Variants in SYNPR observed in about 807,000 individuals in gnomAD.
The protein encoded by SYNPR is synaptoporin.
SYNPR carries 23 observed loss-of-function variants against 32.9 expected under a neutral mutation model. The ratio of observed to expected loss-of-function variants is 0.70; its 90% confidence interval spans 0.50 to 0.99. The LOEUF (loss-of-function observed/expected upper bound fraction) is 0.99, where lower values mean the gene tolerates loss of function less well. SYNPR is among the 50% of genes least tolerant of loss of function. The pLI is 0.00. For missense variants in SYNPR, 318 were observed against 349.3 expected, an observed-to-expected ratio of 0.91 and a Z score of 0.71; for synonymous variants, 146 against 135.9, an observed-to-expected ratio of 1.07 and a Z score of -0.52.
intron 2 of SYNPR, among the ~76,000 whole-genome samples, chr3:63,385,273 G>A (rs1481392965): frequency 6.6e-6 from 1 of 152,132 alleles, no homozygotes; most frequent in Admixed American, 6.5e-5. Flanking sequence ...TTCCCGCCCT[G>A]CTTCCTTCCT....
At chr3:63,366,710 G>A (rs192701032) in intron 2 of SYNPR, among the ~76,000 whole-genome samples, 13 of 152,292 alleles carry the variant, frequency 8.5e-5, no homozygotes, top group Admixed American at 7.8e-4. Flanking sequence ...TCCTGAGTAA[G>A]AGTCATAGTG....
the SYNPR span, among the ~76,000 whole-genome samples, chr3:63,201,819 G>A: frequency 2.0e-5 from 3 of 152,126 alleles, no homozygotes; most frequent in Non-Finnish European, 4.4e-5. Context: ...AATTATATAT[G>A]TGGAACAGAG....
intron 4 of SYNPR, among the ~76,000 whole-genome samples, chr3:63,603,276 C>T (rs184373256): frequency 6.6e-6 from 1 of 152,138 alleles, no homozygotes; most frequent in Non-Finnish European, 1.5e-5. Flanking sequence ...GGTACAGAAT[C>T]ATATCATCTG....
At chr3:63,387,958 G>C (rs1214832210) in intron 2 of SYNPR, among the ~76,000 whole-genome samples, 1 of 152,136 alleles carries the variant, frequency 6.6e-6, no homozygotes, top group African/African-American at 2.4e-5. Context: ...ACCTGGGGAG[G>C]GCAAAGGGAT....
At chr3:63,386,276 C>A (rs2088043831) in intron 2 of SYNPR, among the ~76,000 whole-genome samples, 3 of 152,168 alleles carry the variant, frequency 2.0e-5, no homozygotes, top group African/African-American at 7.2e-5. Context: ...TCAATTGACC[C>A]CACAATCTTG....
At chr3:63,290,145 T>A in intron 2 of SYNPR, among the ~76,000 whole-genome samples, 1 of 97,624 alleles carries the variant, frequency 1.0e-5, no homozygotes, top group Non-Finnish European at 2.2e-5. Flanking sequence ...ACAAAAAAAC[T>A]CCTTTTCACA....
chr3:63,588,568 A>G (rs913297784), intron 4 of SYNPR, among the ~76,000 whole-genome samples: 13 of 152,126 alleles, frequency 8.5e-5, no homozygotes, highest in African/African-American at 3.1e-4. Context: ...AAAGATTGAT[A>G]TGGTGTTCAA....
intron 2 of SYNPR, among the ~76,000 whole-genome samples, chr3:63,424,901 C>G (rs540594943): frequency 6.6e-6 from 1 of 152,196 alleles, no homozygotes. Context: ...AGACAGTAAT[C>G]TTTCCTCAAC....
intron 2 of SYNPR, among the ~76,000 whole-genome samples, chr3:63,368,666 A>G (rs1190301317): frequency 6.6e-6 from 1 of 152,164 alleles, no homozygotes; most frequent in Non-Finnish European, 1.5e-5. Flanking sequence ...GTCATTAAGG[A>G]AGGATCATAT....
intron 3 of SYNPR, among the ~76,000 whole-genome samples, chr3:63,534,158 C>T (rs896823632): frequency 5.9e-5 from 9 of 151,978 alleles, no homozygotes; most frequent in African/African-American, 1.9e-4. Context: ...GCTTTATTAC[C>T]TTGTTAAATT....
chr3:63,326,871 C>A (rs1223643635), intron 2 of SYNPR, among the ~76,000 whole-genome samples: 1 of 151,918 alleles, frequency 6.6e-6, no homozygotes, highest in East Asian at 1.9e-4. Context: ...TTACATTGGG[C>A]AAATTTTAAG....
intron 2 of SYNPR, among the ~76,000 whole-genome samples, chr3:63,469,579 G>T (rs1700758285): frequency 6.6e-6 from 1 of 152,182 alleles, no homozygotes. Flanking sequence ...AATGGTGTCA[G>T]CTCTGCTGAA....
At chr3:63,340,466 C>A (rs1310689848) in intron 2 of SYNPR, among the ~76,000 whole-genome samples, 7 of 138,944 alleles carry the variant, frequency 5.0e-5, no homozygotes, top group Non-Finnish European at 7.6e-5. Flanking sequence ...GTTGCCCAGG[C>A]TGGAGTGCAG....
At chr3:63,334,705 C>T (rs905833041) in intron 2 of SYNPR, among the ~76,000 whole-genome samples, 4 of 152,126 alleles carry the variant, frequency 2.6e-5, no homozygotes, top group Non-Finnish European at 5.9e-5. Context: ...GGTACATTGG[C>T]GATTGATATT....
intron 1 of SYNPR, among the ~76,000 whole-genome samples, chr3:63,245,346 AT>A (rs34237957): frequency 0.53 from 79,708 of 151,772 alleles, 21,726 homozygotes; most frequent in Non-Finnish European, 0.58. Flanking sequence ...AAAATCTGTC[AT>A]TGACTATAAT....
intron 2 of SYNPR, among the ~76,000 whole-genome samples, chr3:63,300,055 A>T (rs530589359): frequency 1.1e-3 from 170 of 152,152 alleles, no homozygotes; most frequent in African/African-American, 3.6e-3. Context: ...CAGAACTGGG[A>T]TGTGTTATTC....
In SYNPR at chr3:63,310,164, G is replaced by T. The variant is rs1402278269; in HGVS notation, c.84+31422G>T. Among the ~76,000 whole-genome samples, 6 of 151,722 alleles carry T rather than the reference G, an allele frequency of 4.0e-5. No homozygotes were observed. In the East Asian group the frequency reaches 9.8e-4, roughly 25 times the overall value. ...CTCGTATACTCTTCTTTTTTCCATT[G>T]GTATAGTTGAGACAAAGTCATTCTC... On this transcript the variant is annotated intron_variant, in intron 2 of 5. Coordinates refer to ENST00000478300, the MANE Select transcript of SYNPR (RefSeq NM_001130003.2).
chr3:63,429,509 C>T (rs1699947867), intron 2 of SYNPR, among the ~76,000 whole-genome samples: 1 of 152,126 alleles, frequency 6.6e-6, no homozygotes. Flanking sequence ...ACAATTCTTC[C>T]TTAATAGACA....
intron 4 of SYNPR, among the ~76,000 whole-genome samples, chr3:63,581,215 C>G (rs985852286): frequency 2.6e-5 from 4 of 152,170 alleles, no homozygotes; most frequent in African/African-American, 9.6e-5. Flanking sequence ...CAACCAGTCT[C>G]TGTTCCAAAG....
Sources: gnomAD v4.1 joint callset for allele counts (sites outside exome capture counted in the v4.1 genomes callset) on GRCh38, gnomAD v4.1.1 for gene constraint, MANE v1.5 for transcripts, NCBI Gene and HGNC (gene_info 2026-07-23, HGNC 2026-07-21) for gene names.